The following LRP8 variants were observed in gnomAD, a reference collection of about 807,000 sequenced individuals.
LRP8 encodes low-density lipoprotein receptor-related protein 8.
In LRP8, 46 loss-of-function variants were observed where a neutral mutation model predicts 111.6. That is an observed-to-expected ratio of 0.41 (90% CI 0.33 to 0.53). The LOEUF (loss-of-function observed/expected upper bound fraction) is 0.53. LRP8 is among the 20% of genes least tolerant of loss of function. LRP8 has a pLI of 0.20. For synonymous variants in LRP8, 464 were observed against 511.2 expected (o/e 0.91, Z 1.24); for missense variants, 959 against 1,297.4 (o/e 0.74, Z 4.01).
intron 14 of LRP8, 91 bp from the exon 15 acceptor site, chr1:53,257,555 T>C (rs1646147677): frequency 1.0e-6 from 1 of 962,206 alleles, no homozygotes; most frequent in Non-Finnish European, 1.6e-6. Context: ...CTTATCTTCA[T>C]GGCGTAGCTC....
rs542595737 is a variant in LRP8 at position 53,284,245 on chromosome 1, A to G, written c.368-3530T>C. ...CACTTACCTACTACATACCCGGGCC[A>G]CTTACTTACTACATACCCGGGCCAC... On this transcript the variant is annotated intron_variant, in intron 3 of 18. Transcript: ENST00000306052. 1.4e-3 allele frequency among the ~76,000 whole-genome samples: 213 copies of G among 148,468 alleles called. 1 individual carries two copies. The highest frequency in any genetic ancestry group is 2.6e-3 in the Non-Finnish European group (171 of 66,866).
At chr1:53,261,594 C>G (rs1331435096) in intron 12 of LRP8, among the ~76,000 whole-genome samples, 1 of 152,206 alleles carries the variant, frequency 6.6e-6, no homozygotes, top group Admixed American at 6.5e-5. Flanking sequence ...TTGCTGGGAG[C>G]TTCTTGAGAC....
chr1:53,290,818 C>T (rs1451731865), intron 2 of LRP8, among the ~76,000 whole-genome samples: 17 of 152,266 alleles, frequency 1.1e-4, no homozygotes, highest in Admixed American at 1.1e-3. Context: ...CTGAGGCTGC[C>T]TGGCTACCCC....
chr1:53,292,764 C>G (rs1347477318), intron 2 of LRP8, among the ~76,000 whole-genome samples: 3 of 152,136 alleles, frequency 2.0e-5, no homozygotes, highest in African/African-American at 7.2e-5. Context: ...AAATCCAGAC[C>G]CAGAGATGTT....
chr1:53,255,078 G>T (rs767298303), intron 16 of LRP8, 39 bp downstream of exon 16: 7 of 1,605,634 alleles, frequency 4.4e-6, no homozygotes, highest in Admixed American at 3.3e-5. Flanking sequence ...CCTAAGCAGG[G>T]TCTCTCTTTT....
intron 2 of LRP8, among the ~76,000 whole-genome samples, chr1:53,297,952 C>T (rs1053196144): frequency 3.3e-5 from 5 of 152,200 alleles, no homozygotes; most frequent in East Asian, 3.8e-4. Context: ...GGGCCCCCAG[C>T]GGTGGAAGGA....
chr1:53,298,413 C>T lies in LRP8; in HGVS notation c.245-8724G>A, dbSNP rs181346654. Among the ~76,000 whole-genome samples, 48 of 152,204 alleles carry T rather than the reference C, an allele frequency of 3.2e-4. 1 individual carries two copies. The East Asian group carries it at 8.9e-3, about 28-fold the overall frequency. ...GGGATCAGCAGGAGTCCCTGGCTGG[C>T]GCCTGCAAAGGGACCAAGCATTACG... On this transcript the variant is annotated intron_variant, in intron 2 of 18. Transcript: ENST00000306052.
In LRP8 at chr1:53,279,885, G is replaced by C. The variant is rs1056595876; in HGVS notation, c.496+702C>G. On this transcript the variant is annotated intron_variant, in intron 4 of 18. Transcript: ENST00000306052. This position sits in a 1 kb window ranked among gnomAD's most constrained non-coding sequence, Gnocchi z 4.4. ...TGGCTTCAGGCCTGGCACACAGTAGGTGCCCCTCGAATTGAAAAAGTGAGG... is the reference window on the plus strand; with the variant it reads ...TGGCTTCAGGCCTGGCACACAGTAGCTGCCCCTCGAATTGAAAAAGTGAGG... Among the ~76,000 whole-genome samples the C allele has an allele frequency of 2.6e-5, 4 of 152,238 alleles. No individual in the cohort carries two copies. The highest frequency in any genetic ancestry group is 6.5e-5 in the Admixed American group (1 of 15,286).
rs754898814 is a variant in LRP8, at chr1:53,244,571, C to G, written c.*2447G>C. On this transcript the variant is annotated 3_prime_UTR_variant, in exon 19 of 19. Transcript: ENST00000306052. Reference sequence around the variant, plus strand: ...TGTAAAGGGTTGCTCCCATTGCTGCCTCTTTCAAACTGCAGTTGTAGCATA... The same window carrying G: ...TGTAAAGGGTTGCTCCCATTGCTGCGTCTTTCAAACTGCAGTTGTAGCATA... 2 of 152,232 alleles carry G rather than the reference C, an allele frequency of 1.3e-5. No individual in the cohort carries two copies. The highest frequency in any genetic ancestry group is 2.9e-5 in the Non-Finnish European group (2 of 68,038). 9.4% of individuals were successfully genotyped at this position (152,232 alleles called of 1,614,324 possible). A position where few individuals can be genotyped will look rare whatever the true frequency, so the allele number is the denominator to read the frequency against.
chr1:53,244,095 A>G lies in LRP8; in HGVS notation c.*2923T>C, dbSNP rs1484363270. The G allele has an allele frequency of 2.0e-5, 3 of 152,206 alleles. No individual in the cohort carries two copies. Among genetic ancestry groups the G allele is most frequent in the African/African-American group, 7.2e-5 (3 of 41,442 alleles). 9.4% of individuals were successfully genotyped at this position (152,206 alleles called of 1,614,324 possible). Reference sequence around the variant, plus strand: ...TTTTGCCAGTTAACAGGTTACTTCAATCTGTTTTATAAATAATCTGTGTAT... The same window carrying G: ...TTTTGCCAGTTAACAGGTTACTTCAGTCTGTTTTATAAATAATCTGTGTAT... On this transcript the variant is annotated 3_prime_UTR_variant, in exon 19 of 19. Coordinates refer to ENST00000306052, the MANE Select transcript of LRP8 (RefSeq NM_004631.5).
At position 53,288,865 on chromosome 1, in the gene LRP8, T is replaced by C. The variant is rs1648097671; in HGVS notation, c.367+702A>G. 3.3e-5 allele frequency among the ~76,000 whole-genome samples: 5 copies of C among 152,196 alleles called. No individual in the cohort carries two copies. The South Asian group carries it at 1.0e-3, about 32-fold the overall frequency. ...ACAGAATGACCTGCCGGGTGTAAGTTTGCTTTGAGGATTAGGGCCTGGAAA... is the reference window on the plus strand; with the variant it reads ...ACAGAATGACCTGCCGGGTGTAAGTCTGCTTTGAGGATTAGGGCCTGGAAA... On this transcript the variant is annotated intron_variant, in intron 3 of 18. Transcript: ENST00000306052.
intron 6 of LRP8, among the ~76,000 whole-genome samples, chr1:53,271,614 G>A (rs1325375570): frequency 6.6e-6 from 1 of 152,136 alleles, no homozygotes; most frequent in East Asian, 1.9e-4. Flanking sequence ...CCCGGCTGGG[G>A]CTCTGTCCAC....
In LRP8 at chr1:53,264,710, C is replaced by T. The variant is rs527928653; in HGVS notation, c.1428-314G>A. The stretch of plus-strand genomic sequence containing the variant: ...GCAGAGGCATGGAGACTGCCTCATC[C>T]GAGAGGGCGGGAGAAGGCTTTATAG... On this transcript the variant is annotated intron_variant, in intron 9 of 18. Transcript: ENST00000306052. Among the ~76,000 whole-genome samples, 11 of 152,258 alleles carry T rather than the reference C, an allele frequency of 7.2e-5. No homozygotes were observed. In the East Asian group the frequency reaches 1.5e-3, roughly 21 times the overall value.
At chr1:53,251,022 C>T (rs1323327091) in intron 16 of LRP8, among the ~76,000 whole-genome samples, 160 bp from the exon 17 acceptor site, 2 of 152,146 alleles carry the variant, frequency 1.3e-5, no homozygotes, top group East Asian at 3.9e-4. Context: ...ATCTCTCATC[C>T]CTTCTTTCCT....
chr1:53,317,896 TCCAGCTG>T lies in LRP8; in HGVS notation c.244+8970_244+8976del, dbSNP rs1210387792. Among the ~76,000 whole-genome samples, 1 of 151,602 alleles carries T rather than the reference TCCAGCTG, an allele frequency of 6.6e-6. No individual in the cohort carries two copies. Among genetic ancestry groups the T allele is most frequent in the Admixed American group, 6.6e-5 (1 of 15,232 alleles). ...GAGCTCTGGAAGTGGAGCTAAGGAG[TCCAGCTG>T]CCCTGTTTCCCTGCCCAGAATCCAG... On this transcript the variant is annotated intron_variant, in intron 2 of 18. Transcript: ENST00000306052. This position sits in a 1 kb window ranked among gnomAD's most constrained non-coding sequence, Gnocchi z 4.9.
chr1:53,324,597 C>A lies in LRP8; in HGVS notation c.244+2276G>T. ...GCCACCCTTTCCACTCCAAGCTTGA[C>A]GTCATTCACTTTTGTTTAATAACTC... On this transcript the variant is annotated intron_variant, in intron 2 of 18. Coordinates refer to ENST00000306052, the MANE Select transcript of LRP8 (RefSeq NM_004631.5). Among the ~76,000 whole-genome samples the A allele has an allele frequency of 1.3e-5, 2 of 152,306 alleles. 1 individual carries two copies. The highest frequency in any genetic ancestry group is 4.1e-4 in the South Asian group (2 of 4,822).
intron 16 of LRP8, among the ~76,000 whole-genome samples, chr1:53,254,461 GC>G (rs1646005930): frequency 6.6e-6 from 1 of 151,730 alleles, no homozygotes; most frequent in East Asian, 1.9e-4. Flanking sequence ...CCCTCCCCCA[GC>G]CCAAGTTAAG....
At chr1:53,278,994 C>T (rs905003669) in intron 4 of LRP8, among the ~76,000 whole-genome samples, 1 of 150,560 alleles carries the variant, frequency 6.6e-6, no homozygotes, top group Non-Finnish European at 1.5e-5. Context: ...CTCCTGACCT[C>T]GTGATCCTCC....
At chr1:53,247,202 T>G in intron 18 of LRP8, 146 bp from the exon 19 acceptor site, 1 of 608,974 alleles carries the variant, frequency 1.6e-6, no homozygotes, top group Non-Finnish European at 2.7e-6. Flanking sequence ...TTTATCCTAT[T>G]TATTTTACAG....
Sources: gnomAD v4.1 joint callset for allele counts (sites outside exome capture counted in the v4.1 genomes callset) on GRCh38, gnomAD v4.1.1 for gene constraint, Gnocchi (gnomAD v3.1) non-coding constraint, MANE v1.5 for transcripts, NCBI Gene and HGNC (gene_info 2026-07-23, HGNC 2026-07-21) for gene names.